DBX2: variants seen among roughly 807,000 people sequenced by gnomAD.
DBX2 encodes homeobox protein DBX2.
Under a neutral mutation model 17.7 loss-of-function variants are expected in DBX2, and 16 were observed. The ratio of observed to expected loss-of-function variants is 0.90; its 90% CI spans 0.61 to 1.37. DBX2 has a LOEUF of 1.37. DBX2 is among the 40% of genes most tolerant of loss of function. DBX2 has a pLI of 0.00. For synonymous variants in DBX2, 255 were observed against 183.8 expected (o/e 1.39, Z -3.13); for missense variants, 538 against 433.8 (o/e 1.24, Z -2.13).
At chr12:45,044,445 T>C (rs1946488475) in intron 1 of DBX2, among the ~76,000 whole-genome samples, 1 of 152,160 alleles carries the variant, frequency 6.6e-6, no homozygotes, top group Non-Finnish European at 1.5e-5. Flanking sequence ...ACAAGAAATT[T>C]TGAGCCTTTT....
chr12:45,040,803 T>G (rs899032690), intron 1 of DBX2, among the ~76,000 whole-genome samples: 2 of 152,190 alleles, frequency 1.3e-5, no homozygotes, highest in Non-Finnish European at 2.9e-5. Flanking sequence ...ATTGTTTTTG[T>G]CCTTTTTATT....
intron 2 of DBX2, among the ~76,000 whole-genome samples, chr12:45,025,009 C>A (rs567711351): frequency 2.0e-5 from 3 of 152,232 alleles, no homozygotes; most frequent in Non-Finnish European, 4.4e-5. Context: ...AGTTCATTCA[C>A]TCATTCTGCT....
At chr12:45,049,923 C>G (rs1445735742) in intron 1 of DBX2, among the ~76,000 whole-genome samples, 1 of 152,122 alleles carries the variant, frequency 6.6e-6, no homozygotes, top group Non-Finnish European at 1.5e-5. Flanking sequence ...CAGCTCAGCA[C>G]AAATAAAAAG....
intron 1 of DBX2, among the ~76,000 whole-genome samples, chr12:45,048,915 C>A (rs933532747): frequency 1.3e-5 from 2 of 152,046 alleles, no homozygotes; most frequent in African/African-American, 4.8e-5. Flanking sequence ...ATTCCAAAAA[C>A]AATGTTTGCA....
At chr12:45,039,927 G>A (rs1946462548) in intron 1 of DBX2, among the ~76,000 whole-genome samples, 1 of 152,038 alleles carries the variant, frequency 6.6e-6, no homozygotes, top group South Asian at 2.1e-4. Flanking sequence ...AACAGTTCAG[G>A]TTCTACAGCA....
At position 45,016,801 on chromosome 12, in the gene DBX2, A is replaced by ATT. The variant is rs373271712; in HGVS notation, c.688-185_688-184dup. 4.2e-3 allele frequency among the ~76,000 whole-genome samples: 631 copies of ATT among 151,594 alleles called. 4 individuals are homozygous for ATT. The highest frequency in any genetic ancestry group is 0.014 in the African/African-American group (579 of 41,140). ...AAAATATCCCATTGTATTTTATTTT[A>ATT]TTATTATTTTTTTTGAGATGGGGTC... On this transcript the variant is annotated intron_variant, in intron 3 of 3. Coordinates refer to ENST00000332700, the MANE Select transcript of DBX2 (RefSeq NM_001004329.3).
intron 2 of DBX2, among the ~76,000 whole-genome samples, chr12:45,027,778 A>C (rs1197262586): frequency 6.6e-6 from 1 of 152,226 alleles, no homozygotes; most frequent in Non-Finnish European, 1.5e-5. Context: ...TCTATTTTCT[A>C]ATGAAAACAG....
chr12:45,045,587 A>G (rs1946495306), intron 1 of DBX2, among the ~76,000 whole-genome samples: 1 of 152,224 alleles, frequency 6.6e-6, no homozygotes, highest in South Asian at 2.1e-4. Context: ...CACTAAGAAC[A>G]GGAAGGAGGT....
chr12:45,028,377 T>C (rs1946392399), intron 2 of DBX2, among the ~76,000 whole-genome samples: 1 of 152,004 alleles, frequency 6.6e-6, no homozygotes, highest in South Asian at 2.1e-4. Flanking sequence ...CTAAAACAAA[T>C]TTATGGTAAC....
rs1399520866 is a variant in DBX2 at position 45,016,263 on chromosome 12, T to C, written c.*23A>G. 2 of 1,528,714 alleles carry C rather than the reference T, an allele frequency of 1.3e-6. No individual in the cohort carries two copies. The highest frequency in any genetic ancestry group is 1.8e-6 in the Non-Finnish European group (2 of 1,141,592). 94.7% of individuals were successfully genotyped at this position (1,528,714 alleles called of 1,614,324 possible). ...TGTTACTATTAAGCGTTCTTTTAAA[T>C]GAACACGGAGGAATGCTTCCATTCA... On this transcript the variant is annotated 3_prime_UTR_variant, in exon 4 of 4. Transcript: ENST00000332700.
In DBX2 at chr12:45,017,084, C is replaced by A. The variant is rs549185414; in HGVS notation, c.688-466G>T. Among the ~76,000 whole-genome samples the A allele has an allele frequency of 7.8e-4, 119 of 152,208 alleles. 1 individual carries two copies. The highest frequency in any genetic ancestry group is 2.6e-3 in the African/African-American group (106 of 41,528). ...TACAGGTGTGAGCCACCACGCCCTG[C>A]CAAAAATATCTTAATCTAATATCCC... On this transcript the variant is annotated intron_variant, in intron 3 of 3. Transcript: ENST00000332700.
chr12:45,031,225 T>TGTGTGTGTGTGTGTGTGTGTGAGA (rs1377897653), intron 2 of DBX2, among the ~76,000 whole-genome samples: 5 of 85,624 alleles, frequency 5.8e-5, no homozygotes, highest in African/African-American at 2.3e-4. Context: ...TGTGTGTGTG[T>TGTGTGTGTGTGTGTGTGTGTGAGA]GAGAGAGAGA....
chr12:45,019,851 T>C (rs1175307584), intron 3 of DBX2, among the ~76,000 whole-genome samples: 1 of 152,104 alleles, frequency 6.6e-6, no homozygotes, highest in African/African-American at 2.4e-5. Context: ...ACAATACACA[T>C]GCCCACCATC....
chr12:45,049,399 AG>A (rs1946517078), intron 1 of DBX2, among the ~76,000 whole-genome samples: 1 of 152,198 alleles, frequency 6.6e-6, no homozygotes, highest in Non-Finnish European at 1.5e-5. Flanking sequence ...GGTGCAAAAA[AG>A]GTTCCCTAGC....
At chr12:45,050,397 G>T (rs1946523353) in intron 1 of DBX2, 128 bp downstream of exon 1, 8 of 1,304,224 alleles carry the variant, frequency 6.1e-6, no homozygotes, top group Non-Finnish European at 7.1e-6. Context: ...TAAAGCTCGA[G>T]ATGCTCCAGG....
intron 2 of DBX2, among the ~76,000 whole-genome samples, chr12:45,026,790 T>A (rs1946383617): frequency 6.6e-6 from 1 of 152,218 alleles, no homozygotes; most frequent in Admixed American, 6.5e-5. Context: ...TGTATCTCCT[T>A]TGAATTGCCA....
Position 45,050,608 on chromosome 12 carries a change from A to C in DBX2, c.320T>G (p.Val107Gly). ...APYGTRWAFQVLSPSADSARL... is the reference protein window; with the variant it reads ...APYGTRWAFQGLSPSADSARL... ...CGCACTGTCCGCAGAGGGACTGAGC[A>C]CTTGAAAAGCCCACCGCGTTCCGTA... Residue 107 changes from valine to glycine, a missense_variant, in exon 1 of 4, where the codon GTG becomes GGG. Transcript: ENST00000332700. The C allele has an allele frequency of 6.4e-7, 1 of 1,550,824 alleles. No individual in the cohort carries two copies. The highest frequency in any genetic ancestry group is 8.7e-7 in the Non-Finnish European group (1 of 1,147,496).
chr12:45,046,350 TGGA>T (rs1946499986), intron 1 of DBX2, among the ~76,000 whole-genome samples: 1 of 152,164 alleles, frequency 6.6e-6, no homozygotes, highest in Non-Finnish European at 1.5e-5. Context: ...AAAGGATGAC[TGGA>T]GTGATGGCCT....
At chr12:45,024,902 T>C (rs1565581504) in intron 2 of DBX2, among the ~76,000 whole-genome samples, 1 of 152,198 alleles carries the variant, frequency 6.6e-6, no homozygotes, top group Non-Finnish European at 1.5e-5. Flanking sequence ...CCATTGATCA[T>C]CAACCCCTTG....
Sources: gnomAD v4.1 joint callset for allele counts (sites outside exome capture counted in the v4.1 genomes callset) on GRCh38, gnomAD v4.1.1 for gene constraint, MANE v1.5 for transcripts, NCBI Gene and HGNC (gene_info 2026-07-23, HGNC 2026-07-21) for gene names.